Variants in WT1 observed in about 807,000 individuals in gnomAD.
WT1 encodes WT1 transcription factor.
Under a neutral mutation model 60.8 loss-of-function variants are expected in WT1, and 8 were observed. The ratio of observed to expected loss-of-function variants is 0.13; its 90% CI spans 0.08 to 0.24. The LOEUF (loss-of-function observed/expected upper bound fraction) is 0.24. Among genes scored for constraint, WT1 ranks in the 10% least tolerant of loss-of-function variants. The pLI, the probability that WT1 is intolerant of heterozygous loss-of-function variation, is 1.00. For missense variants in WT1, 568 were observed against 711.8 expected (o/e 0.80, Z 2.30); for synonymous variants, 312 against 297.1 (o/e 1.05, Z -0.52).
chr11:32,396,272 T>C lies in WT1; in HGVS notation c.1249A>G (p.Ser417Gly). 6.2e-7 allele frequency: 1 copy of C among 1,614,242 alleles called. No homozygotes were observed. Among genetic ancestry groups the C allele is most frequent in the Non-Finnish European group, 8.5e-7 (1 of 1,180,036 alleles). ...GCACACTTACCAGTGTGCTTCCTGC[T>C]GTGCATCTGTAAGTGGGACAGCTTA... is the stretch of plus-strand genomic sequence containing the variant. Residue 417 changes from serine to glycine, a missense_variant, in exon 7 of 10, where the codon AGC (serine) becomes GGC (glycine). Ser to Gly is a moderately conservative substitution (Grantham distance 56). Around this residue, in one of 3 missense-constraint regions of WT1, gnomAD observed 16 missense variants for 99.8 expected, o/e 0.16. Transcript: ENST00000452863.
intron 5 of WT1, among the ~76,000 whole-genome samples, chr11:32,403,621 C>A (rs1372048569): frequency 6.9e-6 from 1 of 145,868 alleles, no homozygotes; most frequent in Non-Finnish European, 1.5e-5. Context: ...GTCGCCCAGG[C>A]TGGAGTGCAG....
At chr11:32,425,961 AATCCACC>A (rs1259120390) in intron 3 of WT1, among the ~76,000 whole-genome samples, 1 of 152,212 alleles carries the variant, frequency 6.6e-6, no homozygotes, top group East Asian at 1.9e-4. Flanking sequence ...CCTAAGTCAA[AATCCACC>A]ATAGGCACCC....
intron 3 of WT1, among the ~76,000 whole-genome samples, chr11:32,418,494 C>T (rs1157491907): frequency 6.6e-6 from 1 of 152,026 alleles, no homozygotes; most frequent in Admixed American, 6.6e-5. Context: ...AATTTGAGAC[C>T]CAAGAGACCA....
intron 1 of WT1, 124 bp downstream of exon 1, chr11:32,434,576 C>T: frequency 1.3e-6 from 2 of 1,537,072 alleles, no homozygotes; most frequent in Admixed American, 1.9e-5. Context: ...GCTATCCTCA[C>T]GGCCCTTGGG....
intron 5 of WT1, among the ~76,000 whole-genome samples, chr11:32,410,813 GA>G (rs1852474164): frequency 6.6e-6 from 1 of 152,136 alleles, no homozygotes; most frequent in Non-Finnish European, 1.5e-5. Flanking sequence ...GCTTTTAATA[GA>G]AAAACTCCTA....
chr11:32,408,850 C>T (rs896505549), intron 5 of WT1, among the ~76,000 whole-genome samples: 7 of 152,088 alleles, frequency 4.6e-5, no homozygotes, highest in Admixed American at 3.3e-4. Flanking sequence ...AATAAACCTC[C>T]GTGTAAATAC....
At chr11:32,404,113 T>C (rs955807137) in intron 5 of WT1, among the ~76,000 whole-genome samples, 1 of 151,344 alleles carries the variant, frequency 6.6e-6, no homozygotes, top group Admixed American at 6.6e-5. Context: ...TCTACAAAAA[T>C]ACAAAAATTA....
At chr11:32,402,609 G>A (rs1197206231) in intron 5 of WT1, among the ~76,000 whole-genome samples, 1 of 152,186 alleles carries the variant, frequency 6.6e-6, no homozygotes, top group African/African-American at 2.4e-5. Flanking sequence ...GTAGTGGTGC[G>A]ATCATAGCTC....
chr11:32,407,723 G>T (rs939512891), intron 5 of WT1, among the ~76,000 whole-genome samples: 21 of 152,092 alleles, frequency 1.4e-4, no homozygotes, highest in Non-Finnish European at 1.5e-5. Context: ...TTTCAGTGTT[G>T]ACAATAAACC....
At chr11:32,414,703 T>A (rs1355425493) in intron 5 of WT1, among the ~76,000 whole-genome samples, 59 of 152,172 alleles carry the variant, frequency 3.9e-4, no homozygotes. Context: ...CGAAAACCTG[T>A]CTCTACCAAA....
chr11:32,421,812 G>A (rs893995320), intron 3 of WT1, among the ~76,000 whole-genome samples: 1 of 152,204 alleles, frequency 6.6e-6, no homozygotes, highest in Non-Finnish European at 1.5e-5. Flanking sequence ...CTTTAAGTCT[G>A]TTTATTATAT....
Position 32,435,369 on chromosome 11 carries a change from C to G in WT1, c.-9G>C, listed in dbSNP as rs2133108204. ...AGCAAGAGGAAGTCCAGGATCGCGG[C>G]GAGGAGACGGCGGGGCCCGGGCGCC... On this transcript the variant is annotated 5_prime_UTR_variant, in exon 1 of 10. Coordinates refer to ENST00000452863, the MANE Select transcript of WT1 (RefSeq NM_024426.6). The G allele has an allele frequency of 3.1e-6, 4 of 1,287,910 alleles. No homozygotes were observed. Among genetic ancestry groups the G allele is most frequent in the Non-Finnish European group, 4.0e-6 (4 of 995,972 alleles). 79.8% of individuals were successfully genotyped at this position (1,287,910 alleles called of 1,614,324 possible). A position where few individuals can be genotyped will look rare whatever the true frequency, so the allele number is the denominator to read the frequency against.
chr11:32,413,553 G>C (rs914988672), intron 5 of WT1, among the ~76,000 whole-genome samples: 3 of 152,180 alleles, frequency 2.0e-5, no homozygotes, highest in African/African-American at 7.2e-5. Flanking sequence ...AGACAGCCAA[G>C]GTGTCACCAT....
intron 3 of WT1, among the ~76,000 whole-genome samples, chr11:32,426,672 G>T (rs5030181): frequency 0.03 from 4,590 of 152,094 alleles, 200 homozygotes; most frequent in African/African-American, 0.086. Flanking sequence ...AGATAAACCG[G>T]ATGTTCCGGG....
chr11:32,418,330 C>T (rs1415042212), intron 3 of WT1, among the ~76,000 whole-genome samples: 1 of 151,372 alleles, frequency 6.6e-6, no homozygotes, highest in East Asian at 1.9e-4. Context: ...AGAAGTCTTA[C>T]ACCGCTATGT....
intron 1 of WT1, chr11:32,430,541 C>T: frequency 6.2e-7 from 1 of 1,600,020 alleles, no homozygotes; most frequent in Non-Finnish European, 8.5e-7. Context: ...CTTCTCCATT[C>T]CTGAGCCCAG....
intron 1 of WT1, among the ~76,000 whole-genome samples, chr11:32,429,638 C>T (rs1853202197): frequency 2.0e-5 from 3 of 152,130 alleles, no homozygotes; most frequent in Admixed American, 1.3e-4. Flanking sequence ...GCCCCGGAAC[C>T]CAAGGATGGG....
At position 32,435,184 on chromosome 11, in the gene WT1, C is replaced by T. The variant is rs1311704660; in HGVS notation, c.177G>A (p.Gln59=). The T allele has an allele frequency of 3.9e-6, 6 of 1,526,212 alleles. No homozygotes were observed. Among genetic ancestry groups the T allele is most frequent in the Non-Finnish European group, 5.3e-6 (6 of 1,142,038 alleles). The allele number at this position is 1,526,212 out of a possible 1,614,324, so 94.5% of individuals were successfully genotyped here. A position where few individuals can be genotyped will look rare whatever the true frequency, so the allele number is the denominator to read the frequency against. The change falls in exon 1 of 10, where the codon CAG becomes CAA. Residue 59 remains glutamine (Q), a synonymous_variant. Coordinates refer to ENST00000452863, the MANE Select transcript of WT1 (RefSeq NM_024426.6). ...CGGACGCCCCGCGGCTCCTCCGGCC[C>T]TGGAGACGTTCAGCGCTGGCCTCGG...
chr11:32,410,498 C>G (rs964899039), intron 5 of WT1, among the ~76,000 whole-genome samples: 1 of 152,098 alleles, frequency 6.6e-6, no homozygotes, highest in African/African-American at 2.4e-5. Flanking sequence ...TTAGAGGTAA[C>G]TGCAATTAAT....
Sources: gnomAD v4.1 joint callset for allele counts (sites outside exome capture counted in the v4.1 genomes callset) on GRCh38, gnomAD v4.1.1 for gene constraint, gnomAD v4.1.1 regional missense constraint, MANE v1.5 for transcripts, NCBI Gene and HGNC (gene_info 2026-07-23, HGNC 2026-07-21) for gene names.